NHSL1: variants seen among roughly 807,000 people sequenced by gnomAD.
NHSL1 encodes the protein NHS-like protein 1.
A neutral mutation model predicts 95.0 loss-of-function variants in NHSL1; 48 were observed. The observed-to-expected ratio is 0.51, with a 90% CI of 0.40 to 0.64. The LOEUF (loss-of-function observed/expected upper bound fraction) is 0.64, where lower values mean the gene tolerates loss of function less well. NHSL1 is among the 30% of genes least tolerant of loss of function. The pLI, the probability that NHSL1 is intolerant of heterozygous loss-of-function variation, is 0.00. For missense variants in NHSL1, 1,971 were observed against 2,077.7 expected (o/e 0.95, Z 1.00); for synonymous variants, 783 against 833.9 (o/e 0.94, Z 1.05).
upstream of NHSL1, among the ~76,000 whole-genome samples, chr6:138,502,580 T>C (rs1462010658): frequency 6.6e-6 from 1 of 152,112 alleles, no homozygotes; most frequent in African/African-American, 2.4e-5. Flanking sequence ...CCCAAAGTGT[T>C]TGGATTACAA....
upstream of NHSL1, among the ~76,000 whole-genome samples, chr6:138,692,825 A>G (rs560645644): frequency 1.5e-4 from 22 of 150,558 alleles, no homozygotes; most frequent in Non-Finnish European, 2.8e-4. This position sits in a 1 kb window ranked among gnomAD's most constrained non-coding sequence, Gnocchi z 4.0. Flanking sequence ...GCGGGGCGCC[A>G]GCCTGCATCC....
At chr6:138,532,093 C>T (rs983282911) in intron 1 of NHSL1, among the ~76,000 whole-genome samples, 10 of 152,268 alleles carry the variant, frequency 6.6e-5, no homozygotes, top group Admixed American at 3.9e-4. Context: ...TGAACTGAAT[C>T]CTGTAAGTCT....
chr6:138,616,644 T>C (rs1197624123), intron 1 of NHSL1, among the ~76,000 whole-genome samples: 1 of 151,984 alleles, frequency 6.6e-6, no homozygotes, highest in Non-Finnish European at 1.5e-5. Context: ...GTAGGGGTGC[T>C]CCACCAAGTC....
intron 1 of NHSL1, among the ~76,000 whole-genome samples, chr6:138,608,162 A>C (rs1350181241): frequency 6.6e-6 from 1 of 152,260 alleles, no homozygotes; most frequent in Non-Finnish European, 1.5e-5. Flanking sequence ...CGAGAGGATA[A>C]ATCTTACTAA....
At chr6:138,576,108 C>T (rs1431423555), upstream of NHSL1, among the ~76,000 whole-genome samples, 1 of 152,118 alleles carries the variant, frequency 6.6e-6, no homozygotes, top group Non-Finnish European at 1.5e-5. Flanking sequence ...TCTCTTTCCT[C>T]AGCCTCCCAA....
At chr6:138,545,139 C>T (rs371639215) in intron 1 of NHSL1, among the ~76,000 whole-genome samples, 1 of 151,794 alleles carries the variant, frequency 6.6e-6, no homozygotes, top group Middle Eastern at 3.4e-3. Context: ...TACAGGCACC[C>T]GCCACCACGC....
intron 7 of NHSL1, among the ~76,000 whole-genome samples, chr6:138,427,762 T>C (rs1364072702): frequency 6.6e-6 from 1 of 152,240 alleles, no homozygotes; most frequent in Admixed American, 6.5e-5. Flanking sequence ...GTGTTTCAAC[T>C]TAGATATTCT....
intron 2 of NHSL1, among the ~76,000 whole-genome samples, chr6:138,484,067 G>T (rs1330359128): frequency 6.6e-6 from 1 of 152,224 alleles, no homozygotes; most frequent in African/African-American, 2.4e-5. Context: ...AGGTGGAACA[G>T]AATGAATAAG....
intron 1 of NHSL1, among the ~76,000 whole-genome samples, chr6:138,533,329 C>T (rs868165233): frequency 2.6e-5 from 4 of 151,942 alleles, no homozygotes; most frequent in South Asian, 4.2e-4. Flanking sequence ...TTTGGGAGGC[C>T]GAGGTGGGCA....
chr6:138,483,117 A>G (rs1201879614), intron 2 of NHSL1, among the ~76,000 whole-genome samples: 1 of 152,262 alleles, frequency 6.6e-6, no homozygotes, highest in Non-Finnish European at 1.5e-5. Flanking sequence ...TAGAAATAAA[A>G]TTAAAGGGAT....
At chr6:138,499,938 A>G (rs967055128), upstream of NHSL1, among the ~76,000 whole-genome samples, 8 of 152,198 alleles carry the variant, frequency 5.3e-5, no homozygotes, top group African/African-American at 1.9e-4. Flanking sequence ...TAGAATCTCC[A>G]AGGAGCTGCA....
intron 1 of NHSL1, among the ~76,000 whole-genome samples, chr6:138,579,536 T>C (rs1177767489): frequency 6.6e-6 from 1 of 152,250 alleles, no homozygotes; most frequent in African/African-American, 2.4e-5. Flanking sequence ...GATAGGCGTA[T>C]GCTTTTCTTC....
intron 1 of NHSL1, among the ~76,000 whole-genome samples, chr6:138,516,374 T>C (rs1342087913): frequency 6.6e-6 from 1 of 152,148 alleles, no homozygotes; most frequent in Non-Finnish European, 1.5e-5. Flanking sequence ...CCAATGATCA[T>C]GTAGATACCA....
Position 138,433,130 on chromosome 6 carries a change from A to T in NHSL1, c.1215T>A (p.His405Gln). 2 of 1,551,080 alleles carry T rather than the reference A, an allele frequency of 1.3e-6. No individual in the cohort carries two copies. ...IMSPACVVSP[H>Q]ATYSTSIIPN... The stretch of plus-strand genomic sequence containing the variant: ...GGATGATGCTGGTGGAGTAGGTTGC[A>T]TGAGGAGAAACCACACACGCTGGGC... Residue 405 changes from histidine (H) to glutamine (Q), a missense_variant, in exon 6 of 8, where the codon CAT (histidine) becomes CAA (glutamine). This residue lies in a region of NHSL1 where 1,602 missense variants were observed against 1,654.5 expected (regional missense o/e 0.97). Coordinates refer to ENST00000343505, the MANE Select transcript of NHSL1 (RefSeq NM_001144060.2).
intron 1 of NHSL1, among the ~76,000 whole-genome samples, chr6:138,528,750 G>C (rs777635866): frequency 6.6e-5 from 10 of 152,164 alleles, no homozygotes; most frequent in Non-Finnish European, 1.3e-4. Context: ...TTAAGTCTTT[G>C]TCTATCCTGT....
chr6:138,510,480 T>TC lies in NHSL1; in HGVS notation c.17-14110dup, dbSNP rs201776563. Among the ~76,000 whole-genome samples the TC allele has an allele frequency of 2.0e-5, 3 of 152,364 alleles. No homozygotes were observed. The East Asian group carries it at 5.8e-4, about 29-fold the overall frequency. ...GTTGGATCTTTTCAAAACATTTTTTTCATTGTCCTAAACTACAGAATACAC... is the reference window on the plus strand; with the variant it reads ...GTTGGATCTTTTCAAAACATTTTTTTCCATTGTCCTAAACTACAGAATACAC... On this transcript the variant is annotated intron_variant, in intron 1 of 4. Transcript: ENST00000342260.
At chr6:138,608,514 T>C (rs922341616) in intron 1 of NHSL1, among the ~76,000 whole-genome samples, 4 of 152,332 alleles carry the variant, frequency 2.6e-5, no homozygotes, top group African/African-American at 7.2e-5. Context: ...GCTTTCTCTA[T>C]AAAATAGGCA....
chr6:138,670,909 A>G (rs1785359419), intron 1 of NHSL1, among the ~76,000 whole-genome samples: 1 of 151,722 alleles, frequency 6.6e-6, no homozygotes, highest in Non-Finnish European at 1.5e-5. Flanking sequence ...TAATCCCAGC[A>G]CCCTGGGAGG....
chr6:138,624,867 T>C (rs1562395306), intron 1 of NHSL1, among the ~76,000 whole-genome samples: 2 of 152,156 alleles, frequency 1.3e-5, no homozygotes, highest in South Asian at 4.1e-4. Flanking sequence ...ATAATAGCTA[T>C]ACCTATCTCT....
Sources: allele counts gnomAD v4.1 joint callset (sites outside exome capture counted in the v4.1 genomes callset), GRCh38; gene constraint gnomAD v4.1.1; regional missense constraint gnomAD v4.1.1; non-coding constraint Gnocchi (gnomAD v3.1); transcripts MANE v1.5; gene names NCBI Gene and HGNC (gene_info 2026-07-23, HGNC 2026-07-21).